The following MICALL2 variants were observed in gnomAD, a reference collection of about 807,000 sequenced individuals.
MICALL2 encodes MICAL-like protein 2.
Under a neutral mutation model 91.1 loss-of-function variants are expected in MICALL2, and 111 were observed. The ratio of observed to expected loss-of-function variants is 1.22; its 90% CI spans 1.04 to 1.43. MICALL2 has a LOEUF of 1.43. Ranked by LOEUF, MICALL2 falls within the 40% of genes most tolerant of loss-of-function variation. The probability of loss-of-function intolerance (pLI) is 0.00; values close to 1 mark genes in which losing one functional copy is unlikely to be tolerated. For missense variants in MICALL2, 1,556 were observed against 1,236.0 expected (o/e 1.26, Z -3.88); for synonymous variants, 694 against 525.3 (o/e 1.32, Z -4.39).
chr7:1,435,164 T>C lies in MICALL2; in HGVS notation c.2592-17A>G, dbSNP rs764729001. 30 of 1,613,188 alleles carry C rather than the reference T, an allele frequency of 1.9e-5. No individual in the cohort carries two copies. In the South Asian group the frequency reaches 2.7e-4, roughly 15 times the overall value. ...TCTTGTTCCCTGAAACGGGACCAGA[T>C]GGCCATGAGCGACAATGGCAATGGC... On this transcript the variant is annotated splice_polypyrimidine_tract_variant and intron_variant, in intron 15 of 16. Coordinates refer to ENST00000297508, the MANE Select transcript of MICALL2 (RefSeq NM_182924.4).
chr7:1,440,823 G>T, intron 7 of MICALL2, 139 bp from the exon 8 acceptor site: 1 of 679,156 alleles, frequency 1.5e-6, no homozygotes, highest in South Asian at 1.7e-5. Context: ...CGGCCGGGGG[G>T]CATCAGGAGC....
chr7:1,448,899 CG>C, intron 2 of MICALL2, 138 bp from the exon 3 acceptor site: 2 of 1,010,618 alleles, frequency 2.0e-6, no homozygotes, highest in African/African-American at 1.6e-5. Flanking sequence ...GAGTTCTGCT[CG>C]CGTGGCCTCC....
chr7:1,450,099 C>A, intron 2 of MICALL2, 141 bp downstream of exon 2: 1 of 696,996 alleles, frequency 1.4e-6, no homozygotes, highest in Admixed American at 2.2e-5. Context: ...CGTTGCCGGG[C>A]TGGTCAGGGA....
intron 1 of MICALL2, chr7:1,450,680 C>T (rs562269254): frequency 1.9e-4 from 38 of 198,916 alleles, no homozygotes; most frequent in South Asian, 5.1e-4. Context: ...CCAGGTGGGT[C>T]GCAGAGGCCT....
At chr7:1,441,033 G>A (rs1286979751) in intron 7 of MICALL2, 1 of 321,740 alleles carries the variant, frequency 3.1e-6, no homozygotes, top group Admixed American at 4.1e-5. Flanking sequence ...CCGTCTGCAG[G>A]CTTTCTTGGC....
At chr7:1,439,734 T>G in intron 9 of MICALL2, 191 bp downstream of exon 9, 1 of 455,058 alleles carries the variant, frequency 2.2e-6, no homozygotes, top group East Asian at 3.5e-5. Context: ...CATGAACACA[T>G]GCACACATGC....
chr7:1,447,445 C>G (rs1041281747), intron 4 of MICALL2, 130 bp downstream of exon 4: 11 of 605,280 alleles, frequency 1.8e-5, no homozygotes, highest in Admixed American at 1.5e-4. Flanking sequence ...AAGGCTGAGC[C>G]CTGGACTGGG....
In MICALL2 at chr7:1,434,636, T is replaced by G; in HGVS notation, c.2675A>C (p.Lys892Thr). Residue 892 changes from lysine to threonine, a missense_variant, in exon 17 of 17, where the codon AAG (lysine) becomes ACG (threonine). Transcript: ENST00000297508. ...QRKKSKFRLS[K>T]IWSPKSKSSP... ...GCTTTTGCTTTTTGGTGACCAGATC[T>G]TGGACAAGCGGAACTTGGACTTCTT... The G allele has an allele frequency of 6.3e-7, 1 of 1,578,268 alleles. No individual in the cohort carries two copies. The highest frequency in any genetic ancestry group is 8.6e-7 in the Non-Finnish European group (1 of 1,166,160).
chr7:1,439,905 T>C lies in MICALL2; in HGVS notation c.1966+20A>G. On this transcript the variant is annotated intron_variant, in intron 9 of 16. Coordinates refer to ENST00000297508, the MANE Select transcript of MICALL2 (RefSeq NM_182924.4). The stretch of plus-strand genomic sequence containing the variant: ...GCCAGCTAGGCAACCCGGGGGCCCC[T>C]GGGTCCCGTCCAGGAGTACCTGGGA... The C allele has an allele frequency of 7.0e-7, 1 of 1,420,670 alleles. No homozygotes were observed. Among genetic ancestry groups the C allele is most frequent in the Non-Finnish European group, 9.2e-7 (1 of 1,089,918 alleles). The allele number at this position is 1,420,670 out of a possible 1,614,324, so 88.0% of individuals were successfully genotyped here. A position where few individuals can be genotyped will look rare whatever the true frequency, so the allele number is the denominator to read the frequency against.
intron 8 of MICALL2, chr7:1,440,333 G>GA (rs1780219328): frequency 1.6e-6 from 1 of 621,582 alleles, no homozygotes; most frequent in Non-Finnish European, 2.8e-6. Flanking sequence ...CACACATGGG[G>GA]AGACTCCACC....
In MICALL2 at chr7:1,445,259, A is replaced by T; in HGVS notation, c.811T>A (p.Cys271Ser). The T allele has an allele frequency of 2.5e-6, 4 of 1,612,482 alleles. No individual in the cohort carries two copies. The highest frequency in any genetic ancestry group is 3.4e-6 in the Non-Finnish European group (4 of 1,179,844). The change falls in exon 6 of 17, where the codon TGT becomes AGT. Residue 271 changes from cysteine to serine, a missense_variant. By Grantham distance (112) the Cys-to-Ser change is moderately radical (BLOSUM62 -1). Transcript: ENST00000297508. ...GCCTCCTGGGCCTTCTGTGGGGAAC[A>T]GGAGGTCCTGGAATCCACACCCATG... ...GAMGVDSRTS[C>S]SPQKAQEANK...
At chr7:1,445,544 G>A (rs1042925492) in intron 5 of MICALL2, 116 bp from the exon 6 acceptor site, 142 of 1,007,076 alleles carry the variant, frequency 1.4e-4, no homozygotes, top group Non-Finnish European at 1.5e-4. Flanking sequence ...CGAGGTTGCT[G>A]AACGCCCGCC....
In MICALL2 at chr7:1,438,894, G is replaced by C. The variant is rs142475194; in HGVS notation, c.2068C>G (p.Arg690Gly). Reference sequence around the variant, plus strand: ...TCCTCCTCCTTCCAGCTCTGCACTCGGGCTTCCTGGCCAGGGGGCTCCGGC... The same window carrying C: ...TCCTCCTCCTTCCAGCTCTGCACTCCGGCTTCCTGGCCAGGGGGCTCCGGC... ...LRPEPPGQEA[R>G]VQSWKEEEKK... The change falls in exon 10 of 17, where the codon CGA (arginine) becomes GGA (glycine). Residue 690 changes from arginine to glycine, a missense_variant. Transcript: ENST00000297508. 8 of 1,610,524 alleles carry C rather than the reference G, an allele frequency of 5.0e-6. No homozygotes were observed. The South Asian group carries it at 5.5e-5, about 11-fold the overall frequency.
intron 15 of MICALL2, among the ~76,000 whole-genome samples, chr7:1,436,249 G>A (rs1429023122): frequency 1.3e-5 from 2 of 151,894 alleles, no homozygotes; most frequent in African/African-American, 4.8e-5. Flanking sequence ...AAATTAGCCG[G>A]GCATGGTGGT....
In MICALL2 at chr7:1,438,137, G is replaced by A. The variant is rs367779763; in HGVS notation, c.2271C>T (p.Arg757=). ...GCAGTCGCTTCTCCAGCTCCACGCC[G>A]CGGAGCTCCAGGGCGTCCAGCCGCC... The part of the protein sequence containing the change: ...IERRLDALEL[R]GVELEKRLRA... Residue 757 remains arginine (R), a synonymous_variant, in exon 12 of 17, where the codon CGC becomes CGT. Coordinates refer to ENST00000297508, the MANE Select transcript of MICALL2 (RefSeq NM_182924.4). 95 of 1,561,990 alleles carry A rather than the reference G, an allele frequency of 6.1e-5. No individual in the cohort carries two copies. Among genetic ancestry groups the A allele is most frequent in the South Asian group, 5.9e-5 (5 of 85,044 alleles).
At chr7:1,437,271 C>G (rs1780019598) in intron 14 of MICALL2, 1 of 522,892 alleles carries the variant, frequency 1.9e-6, no homozygotes, top group Non-Finnish European at 3.3e-6. Context: ...TTCGTTTAAT[C>G]CTCACAACAG....
At chr7:1,438,002 G>A (rs1468823436) in intron 12 of MICALL2, 22 bp from the exon 13 acceptor site, 3 of 1,550,550 alleles carry the variant, frequency 1.9e-6, no homozygotes, top group East Asian at 4.9e-5. Flanking sequence ...AGCCAGCTGG[G>A]GCAGGGGGGC....
In MICALL2 at chr7:1,457,948, G is replaced by A. The variant is rs138024397; in HGVS notation, c.143+1236C>T. Among the ~76,000 whole-genome samples, 13 of 152,352 alleles carry A rather than the reference G, an allele frequency of 8.5e-5. No individual in the cohort carries two copies. In the East Asian group the frequency reaches 1.5e-3, roughly 18 times the overall value. ...CTGGCCCTCTCCTTCAAAGCTCAGC[G>A]TCAGGCTTTCCATGTGGAAGCACGC... On this transcript the variant is annotated intron_variant, in intron 1 of 16. Transcript: ENST00000297508.
At chr7:1,443,154 T>C (rs1584213547) in intron 6 of MICALL2, among the ~76,000 whole-genome samples, 1 of 138,322 alleles carries the variant, frequency 7.2e-6, no homozygotes, top group Admixed American at 8.1e-5. Context: ...CCAGGCCAGC[T>C]TCCCCAGAGG....
Sources: allele counts gnomAD v4.1 joint callset (sites outside exome capture counted in the v4.1 genomes callset), GRCh38; gene constraint gnomAD v4.1.1; transcripts MANE v1.5; gene names NCBI Gene and HGNC (gene_info 2026-07-23, HGNC 2026-07-21).